The following AGMO variants were observed in gnomAD, a reference collection of about 807,000 sequenced individuals.
The protein encoded by AGMO is alkylglycerol monooxygenase, also known as glyceryl-ether monooxygenase.
Under a neutral mutation model 60.2 loss-of-function variants are expected in AGMO, and 75 were observed. That is an observed-to-expected ratio of 1.25 (90% confidence interval 1.03 to 1.51). The LOEUF (loss-of-function observed/expected upper bound fraction) is 1.51, where lower values mean the gene tolerates loss of function less well. Ranked by LOEUF, AGMO falls within the 40% of genes most tolerant of loss-of-function variation. The pLI is 0.00. For missense variants in AGMO, 763 were observed against 525.5 expected (o/e 1.45, Z -4.42); for synonymous variants, 261 against 177.1 (o/e 1.47, Z -3.76).
In AGMO at chr7:15,544,843, G is replaced by C; in HGVS notation, c.338C>G (p.Ser113Cys). ...NYRLFNLPWD[S>C]PWTWYSAFLG... Reference sequence around the variant, plus strand: ...GAAGGCTGAATACCAAGTCCATGGAGAATCCCAAGGCAAATTGAACAGCCT... The same window carrying C: ...GAAGGCTGAATACCAAGTCCATGGACAATCCCAAGGCAAATTGAACAGCCT... The change falls in exon 3 of 13, where the codon TCT becomes TGT. Residue 113 changes from serine (S) to cysteine (C), a missense_variant. By Grantham distance (112) the Ser-to-Cys change is moderately radical. Transcript: ENST00000342526. 1.2e-6 allele frequency: 2 copies of C among 1,610,264 alleles called. No homozygotes were observed. The highest frequency in any genetic ancestry group is 1.7e-6 in the Non-Finnish European group (2 of 1,177,950).
chr7:15,389,869 A>G (rs756388219), intron 8 of AGMO, among the ~76,000 whole-genome samples: 2 of 152,174 alleles, frequency 1.3e-5, no homozygotes, highest in African/African-American at 2.4e-5. Flanking sequence ...AGCTCAATAG[A>G]TGTTAACAAT....
intron 3 of AGMO, among the ~76,000 whole-genome samples, chr7:15,541,892 T>C (rs1042790825): frequency 6.6e-6 from 1 of 152,212 alleles, no homozygotes; most frequent in Non-Finnish European, 1.5e-5. Flanking sequence ...GTTTTTGCTA[T>C]ATCATTTTGA....
At chr7:15,353,124 G>A in intron 12 of AGMO, among the ~76,000 whole-genome samples, 1 of 152,112 alleles carries the variant, frequency 6.6e-6, no homozygotes, top group Non-Finnish European at 1.5e-5. Flanking sequence ...TTTTTTAAAT[G>A]TCCAGCAGAA....
At chr7:15,551,584 T>C (rs1314906818) in intron 2 of AGMO, among the ~76,000 whole-genome samples, 4,893 of 151,046 alleles carry the variant, frequency 0.032, 247 homozygotes, top group African/African-American at 0.11. Flanking sequence ...TCAAAGAGAA[T>C]AAAATACTTA....
At chr7:15,281,577 G>C (rs1325567369) in intron 12 of AGMO, among the ~76,000 whole-genome samples, 7 of 152,078 alleles carry the variant, frequency 4.6e-5, no homozygotes, top group Admixed American at 2.0e-4. Flanking sequence ...TTTCCTGCTA[G>C]CCTGGCAGGA....
chr7:15,522,165 G>A (rs1241369710), intron 3 of AGMO, among the ~76,000 whole-genome samples: 2 of 152,030 alleles, frequency 1.3e-5, no homozygotes, highest in Non-Finnish European at 2.9e-5. Context: ...CCTCTTCAAG[G>A]AGAACTACAA....
intron 12 of AGMO, among the ~76,000 whole-genome samples, chr7:15,288,653 A>G (rs760961724): frequency 6.6e-6 from 1 of 152,000 alleles, no homozygotes; most frequent in African/African-American, 2.4e-5. Flanking sequence ...ATGCCTTTAT[A>G]AAGATTCTGA....
At chr7:15,135,627 G>C in the AGMO span, among the ~76,000 whole-genome samples, 237 of 152,114 alleles carry the variant, frequency 1.6e-3, 1 homozygote, top group Admixed American at 6.0e-3. Context: ...AAAAACTTAG[G>C]ATAAGAAGGA....
At chr7:15,414,145 C>G (rs1780691685) in intron 5 of AGMO, among the ~76,000 whole-genome samples, 1 of 151,940 alleles carries the variant, frequency 6.6e-6, no homozygotes, top group South Asian at 2.1e-4. Context: ...GTAGAAGGAA[C>G]TACAGGTGCC....
intron 12 of AGMO, among the ~76,000 whole-genome samples, chr7:15,270,289 GTAT>G (rs1356049791): frequency 1.3e-5 from 2 of 151,450 alleles, no homozygotes; most frequent in African/African-American, 4.8e-5. Flanking sequence ...TTTTGACTTT[GTAT>G]TATTATTTTA....
chr7:15,354,496 GTATATATATATATATATATATATA>G (rs60044874), intron 12 of AGMO, among the ~76,000 whole-genome samples: 1 of 18,778 alleles, frequency 5.3e-5, no homozygotes. Context: ...ATACACACGT[GTATATATATATATATATATATATA>G]TATATATATA....
At chr7:15,248,416 A>T (rs1268210787) in intron 12 of AGMO, among the ~76,000 whole-genome samples, 1 of 151,676 alleles carries the variant, frequency 6.6e-6, no homozygotes, top group Non-Finnish European at 1.5e-5. Context: ...AGAATAGGTT[A>T]TCTAGACCAG....
chr7:15,191,865 C>T, the AGMO span, among the ~76,000 whole-genome samples: 1 of 151,986 alleles, frequency 6.6e-6, no homozygotes, highest in Non-Finnish European at 1.5e-5. Context: ...GAATTTTCCT[C>T]TCTCTAGCAT....
chr7:15,211,587 T>C (rs1159038405), intron 12 of AGMO, among the ~76,000 whole-genome samples: 3 of 151,986 alleles, frequency 2.0e-5, no homozygotes, highest in African/African-American at 7.2e-5. Context: ...ATACAAGCCT[T>C]TTGAAACACA....
At chr7:15,158,705 T>C in the AGMO span, among the ~76,000 whole-genome samples, 1 of 152,170 alleles carries the variant, frequency 6.6e-6, no homozygotes, top group Admixed American at 6.6e-5. Context: ...CTGTTGTGCT[T>C]ATAAAGCCCC....
chr7:15,223,522 A>G (rs1004993329), intron 12 of AGMO, among the ~76,000 whole-genome samples: 1 of 152,050 alleles, frequency 6.6e-6, no homozygotes, highest in Non-Finnish European at 1.5e-5. Flanking sequence ...TGTAAAGAAC[A>G]GACACATTTA....
At position 15,201,024 on chromosome 7, in the gene AGMO, T is replaced by G. The variant is rs1185272647; in HGVS notation, c.*261A>C. 6.9e-6 allele frequency: 2 copies of G among 289,630 alleles called. No individual in the cohort carries two copies. Among genetic ancestry groups the G allele is most frequent in the African/African-American group, 2.2e-5 (1 of 46,088 alleles). The allele number at this position is 289,630 out of a possible 1,614,324, so 17.9% of individuals were successfully genotyped here. On this transcript the variant is annotated 3_prime_UTR_variant, in exon 13 of 13. Coordinates refer to ENST00000342526, the MANE Select transcript of AGMO (RefSeq NM_001004320.2). ...ATCCCTTCTTTTTATACTTGTCATA[T>G]AAGGCTATCAGTTAATATAACATCA... is the stretch of plus-strand genomic sequence containing the variant.
intron 12 of AGMO, among the ~76,000 whole-genome samples, chr7:15,268,089 AAG>A (rs199562386): frequency 0.022 from 3,368 of 152,088 alleles, 120 homozygotes; most frequent in African/African-American, 0.078. Context: ...ATATGATACC[AAG>A]AGTTATTAAT....
intron 5 of AGMO, among the ~76,000 whole-genome samples, chr7:15,399,616 C>G (rs979332521): frequency 6.6e-6 from 1 of 152,168 alleles, no homozygotes; most frequent in African/African-American, 2.4e-5. Context: ...TGATGACTCA[C>G]TTTCATTCAA....
Sources: gnomAD v4.1 joint callset for allele counts (sites outside exome capture counted in the v4.1 genomes callset) on GRCh38, gnomAD v4.1.1 for gene constraint, MANE v1.5 for transcripts, NCBI Gene and HGNC (gene_info 2026-07-23, HGNC 2026-07-21) for gene names.